The following ARHGAP17 variants were observed in gnomAD, a reference collection of about 807,000 sequenced individuals.
The protein encoded by ARHGAP17 is rho GTPase-activating protein 17.
In ARHGAP17, 57 loss-of-function variants were observed where a neutral mutation model predicts 99.5. That is an observed-to-expected ratio of 0.57 (90% CI 0.46 to 0.71). The LOEUF (loss-of-function observed/expected upper bound fraction) is 0.71. Ranked by LOEUF, ARHGAP17 falls within the 30% of genes least tolerant of loss-of-function variation. The pLI is 0.00. For missense variants in ARHGAP17, 1,000 were observed against 1,122.4 expected, an observed-to-expected ratio of 0.89 and a Z score of 1.56; for synonymous variants, 417 against 429.6, an observed-to-expected ratio of 0.97 and a Z score of 0.36.
chr16:24,979,348 A>T (rs1399182559), intron 1 of ARHGAP17, among the ~76,000 whole-genome samples: 1 of 152,182 alleles, frequency 6.6e-6, no homozygotes, highest in Non-Finnish European at 1.5e-5. Context: ...CTAATTCAAT[A>T]GACCCTGCAT....
intron 3 of ARHGAP17, among the ~76,000 whole-genome samples, chr16:24,974,569 T>G (rs2052461728): frequency 6.6e-6 from 1 of 152,160 alleles, no homozygotes; most frequent in South Asian, 2.1e-4. Flanking sequence ...TGGTCCCTGT[T>G]AAGAACCACT....
At chr16:24,987,273 C>T (rs1003490230) in intron 1 of ARHGAP17, among the ~76,000 whole-genome samples, 11 of 152,148 alleles carry the variant, frequency 7.2e-5, no homozygotes, top group Admixed American at 6.5e-4. Context: ...AATTATCGTA[C>T]GTCATGAACT....
In ARHGAP17 at chr16:24,963,303, T is replaced by C. The variant is rs188658178; in HGVS notation, c.573+894A>G. The stretch of plus-strand genomic sequence containing the variant: ...TTAGTTTTAATTTCTACCCACTATA[T>C]TATTTTTATATTTTTCTTATATTTC... On this transcript the variant is annotated intron_variant, in intron 7 of 19. Coordinates refer to ENST00000289968, the MANE Select transcript of ARHGAP17 (RefSeq NM_001006634.3). 4.0e-3 allele frequency among the ~76,000 whole-genome samples: 614 copies of C among 152,346 alleles called. 5 individuals carry two copies. Among genetic ancestry groups the C allele is most frequent in the African/African-American group, 0.012 (503 of 41,590 alleles).
At chr16:24,949,163 G>C in intron 13 of ARHGAP17, 1 of 378,566 alleles carries the variant, frequency 2.6e-6, no homozygotes. Flanking sequence ...AATAGCTGTA[G>C]TGGGAAAATG....
chr16:24,944,428 G>C (rs970781593), intron 14 of ARHGAP17, among the ~76,000 whole-genome samples: 1 of 152,096 alleles, frequency 6.6e-6, no homozygotes, highest in Non-Finnish European at 1.5e-5. Flanking sequence ...AGCAAAACCA[G>C]TCAGTCAACA....
chr16:24,947,318 C>G (rs1293533693), intron 14 of ARHGAP17, among the ~76,000 whole-genome samples, 164 bp downstream of exon 14: 1 of 152,216 alleles, frequency 6.6e-6, no homozygotes, highest in African/African-American at 2.4e-5. Flanking sequence ...TGGGACAGCA[C>G]CCAGCTCACA....
chr16:24,936,411 AAAAC>A (rs1248395073), intron 17 of ARHGAP17: 2 of 152,442 alleles, frequency 1.3e-5, no homozygotes, highest in African/African-American at 4.8e-5. Flanking sequence ...TACAGTATAA[AAAAC>A]AAACAGCAGG....
At position 25,015,284 on chromosome 16, in the gene ARHGAP17, C is replaced by T. The variant is rs1772113160; in HGVS notation, c.-23G>A. 2 of 1,326,720 alleles carry T rather than the reference C, an allele frequency of 1.5e-6. No homozygotes were observed. Among genetic ancestry groups the T allele is most frequent in the Middle Eastern group, 2.7e-4 (1 of 3,764 alleles). 82.2% of individuals were successfully genotyped at this position (1,326,720 alleles called of 1,614,324 possible). ...CATGGCGGCGGTGGCGGCGGCGGCC[C>T]GCGGGGCTCGGGCCGGGCAGGGCGG... On this transcript the variant is annotated 5_prime_UTR_variant, in exon 1 of 20. Transcript: ENST00000289968.
intron 17 of ARHGAP17, among the ~76,000 whole-genome samples, chr16:24,938,585 G>C (rs1051770140): frequency 2.0e-5 from 3 of 151,768 alleles, no homozygotes; most frequent in Admixed American, 1.3e-4. Flanking sequence ...GCAACCTAGG[G>C]CATCTATGTT....
At chr16:25,005,292 G>A (rs1000332088) in intron 1 of ARHGAP17, among the ~76,000 whole-genome samples, 54 of 152,188 alleles carry the variant, frequency 3.5e-4, no homozygotes, top group Non-Finnish European at 1.0e-4. Context: ...TTAAAAGACA[G>A]TTTCTTATAG....
chr16:25,001,550 T>C (rs1335340977), intron 1 of ARHGAP17, among the ~76,000 whole-genome samples: 1 of 152,082 alleles, frequency 6.6e-6, no homozygotes, highest in South Asian at 2.1e-4. Context: ...GTAAGAGAGA[T>C]ACTGAAAAAA....
intron 6 of ARHGAP17, among the ~76,000 whole-genome samples, chr16:24,966,230 CT>C (rs1486869978): frequency 6.6e-6 from 1 of 152,182 alleles, no homozygotes; most frequent in Non-Finnish European, 1.5e-5. Flanking sequence ...GGTGTGATGA[CT>C]CACACCTGTA....
chr16:24,950,450 C>A (rs377372604), intron 12 of ARHGAP17, among the ~76,000 whole-genome samples: 1 of 152,130 alleles, frequency 6.6e-6, no homozygotes, highest in African/African-American at 2.4e-5. Context: ...AGGCAGGGTT[C>A]CAAGGATACG....
intron 10 of ARHGAP17, 42 bp downstream of exon 10, chr16:24,954,561 G>T: frequency 6.3e-7 from 1 of 1,592,940 alleles, no homozygotes; most frequent in Non-Finnish European, 8.6e-7. Context: ...TACAACAAGG[G>T]GCATGGAGAC....
At chr16:24,935,863 G>C in intron 17 of ARHGAP17, 1 of 550,614 alleles carries the variant, frequency 1.8e-6, no homozygotes, top group South Asian at 2.0e-5. Context: ...TAAGAGATGA[G>C]GTCTTGCTAT....
intron 1 of ARHGAP17, among the ~76,000 whole-genome samples, chr16:24,999,896 T>C (rs937566017): frequency 1.1e-4 from 17 of 152,224 alleles, no homozygotes; most frequent in African/African-American, 3.9e-4. Flanking sequence ...CCTGGCTATT[T>C]TCCCCAGTGC....
intron 19 of ARHGAP17, among the ~76,000 whole-genome samples, chr16:24,927,259 A>T (rs2050867489): frequency 6.6e-6 from 1 of 152,218 alleles, no homozygotes; most frequent in African/African-American, 2.4e-5. Context: ...TGGCTAACAG[A>T]ATAATCTTGG....
At position 24,955,088 on chromosome 16, in the gene ARHGAP17, G is replaced by C. The variant is rs552224617; in HGVS notation, c.725-358C>G. The stretch of plus-strand genomic sequence containing the variant: ...AAGATTTGCCAGAGCATACCGTTTC[G>C]TTGAAAAGAAATTTATTCTAGCCAT... On this transcript the variant is annotated intron_variant, in intron 9 of 19. Transcript: ENST00000289968. The surrounding 1 kb of genome is among the most constrained non-coding windows in gnomAD (Gnocchi z 4.0). 1 of 188,696 alleles carries C rather than the reference G, an allele frequency of 5.3e-6. No individual in the cohort carries two copies. The highest frequency in any genetic ancestry group is 2.3e-5 in the African/African-American group (1 of 42,906). 11.7% of individuals were successfully genotyped at this position (188,696 alleles called of 1,614,324 possible). A position where few individuals can be genotyped will look rare whatever the true frequency, so the allele number is the denominator to read the frequency against.
At chr16:24,922,025 T>G (rs1240111307) in intron 19 of ARHGAP17, among the ~76,000 whole-genome samples, 1 of 152,254 alleles carries the variant, frequency 6.6e-6, no homozygotes, top group African/African-American at 2.4e-5. Context: ...AGCTGCACAC[T>G]TGGATGGTTG....
Sources: gnomAD v4.1 joint callset for allele counts (sites outside exome capture counted in the v4.1 genomes callset) on GRCh38, gnomAD v4.1.1 for gene constraint, Gnocchi (gnomAD v3.1) non-coding constraint, MANE v1.5 for transcripts, NCBI Gene and HGNC (gene_info 2026-07-23, HGNC 2026-07-21) for gene names.